The following EIPR1 variants were observed in gnomAD, a reference collection of about 807,000 sequenced individuals.
EIPR1 encodes EARP and GARP complex-interacting protein 1.
Under a neutral mutation model 48.1 loss-of-function variants are expected in EIPR1, and 25 were observed. The observed-to-expected ratio is 0.52, with a 90% CI of 0.38 to 0.73. The LOEUF is 0.73. Among genes scored for constraint, EIPR1 ranks in the 30% least tolerant of loss-of-function variants. The pLI, the probability that EIPR1 is intolerant of heterozygous loss-of-function variation, is 0.00. For synonymous variants in EIPR1, 204 were observed against 201.9 expected (o/e 1.01, Z -0.09); for missense variants, 415 against 506.2 (o/e 0.82, Z 1.73).
chr2:3,283,604 G>T (rs935745595), intron 3 of EIPR1, among the ~76,000 whole-genome samples: 2 of 152,262 alleles, frequency 1.3e-5, no homozygotes, highest in Non-Finnish European at 2.9e-5. Flanking sequence ...AGACGGGCAG[G>T]AGAGCCAGAT....
chr2:3,193,450 T>G (rs1664682579), intron 7 of EIPR1, among the ~76,000 whole-genome samples: 1 of 152,230 alleles, frequency 6.6e-6, no homozygotes, highest in African/African-American at 2.4e-5. Flanking sequence ...CACGTTTTAT[T>G]TGCATAAAAA....
intron 4 of EIPR1, among the ~76,000 whole-genome samples, chr2:3,225,222 ATGTGTGTGTGTGTGTGTGTGTGTG>A (rs61557621): frequency 7.3e-6 from 1 of 136,928 alleles, no homozygotes; most frequent in African/African-American, 2.8e-5. Context: ...ACACTGTGAT[ATGTGTGTGTGTGTGTGTGTGTGTG>A]TGTGTGTGTG....
At chr2:3,259,704 T>C (rs531708937) in intron 3 of EIPR1, among the ~76,000 whole-genome samples, 1 of 152,348 alleles carries the variant, frequency 6.6e-6, no homozygotes, top group South Asian at 2.1e-4. Context: ...CTTTCTATTT[T>C]CTTTTAAAAA....
chr2:3,362,837 C>T (rs1427446632), intron 1 of EIPR1, among the ~76,000 whole-genome samples: 1 of 152,146 alleles, frequency 6.6e-6, no homozygotes, highest in Admixed American at 6.5e-5. Flanking sequence ...GGAGCAGTCC[C>T]TAGACCACAT....
At chr2:3,258,425 A>AG (rs1450662387) in intron 3 of EIPR1, among the ~76,000 whole-genome samples, 1 of 152,254 alleles carries the variant, frequency 6.6e-6, no homozygotes, top group Admixed American at 6.5e-5. Flanking sequence ...ATCATAAACT[A>AG]GCAAACAGGA....
At chr2:3,314,825 C>G (rs1050534636) in intron 3 of EIPR1, among the ~76,000 whole-genome samples, 4 of 151,898 alleles carry the variant, frequency 2.6e-5, no homozygotes, top group African/African-American at 9.7e-5. Flanking sequence ...CTGCATGCAC[C>G]TGCGGATGCT....
At chr2:3,366,211 A>C (rs896109584) in intron 1 of EIPR1, among the ~76,000 whole-genome samples, 1 of 152,164 alleles carries the variant, frequency 6.6e-6, no homozygotes, top group African/African-American at 2.4e-5. Context: ...GGGAGGCTGA[A>C]GCAGGAGAAT....
At chr2:3,361,260 G>C (rs368278233) in intron 1 of EIPR1, among the ~76,000 whole-genome samples, 1 of 151,974 alleles carries the variant, frequency 6.6e-6, no homozygotes, top group African/African-American at 2.4e-5. Flanking sequence ...CCTCCATTTT[G>C]TATTGCCTGG....
At chr2:3,276,975 C>A (rs2694085) in intron 3 of EIPR1, among the ~76,000 whole-genome samples, 87,736 of 152,032 alleles carry the variant, frequency 0.58, 25,713 homozygotes, top group East Asian at 0.75. Flanking sequence ...CACCAGGGAG[C>A]AAACCTGTTT....
In EIPR1 at chr2:3,330,813, C is replaced by G. The variant is rs1008739123; in HGVS notation, c.259+7204G>C. On this transcript the variant is annotated intron_variant, in intron 3 of 8. Coordinates refer to ENST00000382125, the MANE Select transcript of EIPR1 (RefSeq NM_003310.5). ...CTCACGAGAATGGTGTGAGCAGAGACAGGCACGTGTACACTCGAGATGGTG... is the reference window on the plus strand; with the variant it reads ...CTCACGAGAATGGTGTGAGCAGAGAGAGGCACGTGTACACTCGAGATGGTG... Among the ~76,000 whole-genome samples, 3 of 139,348 alleles carry G rather than the reference C, an allele frequency of 2.2e-5. No homozygotes were observed. In the East Asian group the frequency reaches 6.5e-4, roughly 30 times the overall value. 91.4% of individuals were successfully genotyped at this position (139,348 alleles called of 152,430 possible). A position where few individuals can be genotyped will look rare whatever the true frequency, so the allele number is the denominator to read the frequency against.
chr2:3,342,410 A>T (rs1670278068), intron 2 of EIPR1, among the ~76,000 whole-genome samples: 1 of 152,260 alleles, frequency 6.6e-6, no homozygotes, highest in African/African-American at 2.4e-5. Flanking sequence ...CACTGAAAAC[A>T]GGGATGCGCT....
intron 3 of EIPR1, among the ~76,000 whole-genome samples, chr2:3,268,570 A>G (rs1667567090): frequency 6.6e-6 from 1 of 152,008 alleles, no homozygotes; most frequent in South Asian, 2.1e-4. Context: ...GCTTCTTTAT[A>G]CTAAACTTCC....
chr2:3,280,202 G>GC (rs1355877845), intron 3 of EIPR1, among the ~76,000 whole-genome samples: 21 of 152,318 alleles, frequency 1.4e-4, no homozygotes, highest in Non-Finnish European at 2.4e-4. Flanking sequence ...TGACCGCCCT[G>GC]CTTAGCCCCT....
chr2:3,255,121 G>A (rs1001533154), intron 4 of EIPR1, among the ~76,000 whole-genome samples: 6 of 151,962 alleles, frequency 3.9e-5, no homozygotes, highest in African/African-American at 1.4e-4. Context: ...CAGAGCAAAT[G>A]GCATTCCAAG....
At chr2:3,287,228 CCACAA>C (rs1668215764) in intron 3 of EIPR1, among the ~76,000 whole-genome samples, 1 of 75,026 alleles carries the variant, frequency 1.3e-5, no homozygotes, top group Non-Finnish European at 3.1e-5. Context: ...AGCTCGTTCA[CCACAA>C]TCCAGAAAGC....
chr2:3,233,277 G>A (rs377098124), intron 4 of EIPR1, among the ~76,000 whole-genome samples: 1 of 151,900 alleles, frequency 6.6e-6, no homozygotes, highest in Non-Finnish European at 1.5e-5. Flanking sequence ...TCTTTCCAAA[G>A]GGCACACAGA....
chr2:3,360,855 C>T (rs114407082), intron 1 of EIPR1, among the ~76,000 whole-genome samples: 2,145 of 151,818 alleles, frequency 0.014, 48 homozygotes, highest in African/African-American at 0.05. Flanking sequence ...CAGAAAGGAC[C>T]GCTACAAAGC....
chr2:3,356,316 G>A (rs2103378373), intron 1 of EIPR1, among the ~76,000 whole-genome samples: 1 of 152,364 alleles, frequency 6.6e-6, no homozygotes, highest in East Asian at 1.9e-4. Flanking sequence ...AGCAATCTCA[G>A]AAGTGGCTGG....
intron 3 of EIPR1, among the ~76,000 whole-genome samples, chr2:3,287,750 A>G (rs1194559945): frequency 3.3e-5 from 5 of 151,932 alleles, no homozygotes; most frequent in African/African-American, 9.7e-5. Flanking sequence ...AAGCTCATTC[A>G]CTATGCTCCA....
Sources: allele counts gnomAD v4.1 joint callset (sites outside exome capture counted in the v4.1 genomes callset), GRCh38; gene constraint gnomAD v4.1.1; transcripts MANE v1.5; gene names NCBI Gene and HGNC (gene_info 2026-07-23, HGNC 2026-07-21).